The following HGF variants were observed in gnomAD, a reference collection of about 807,000 sequenced individuals.
HGF encodes fibroblast-derived tumor cytotoxic factor.
Under a neutral mutation model 111.6 loss-of-function variants are expected in HGF, and 39 were observed. The ratio of observed to expected loss-of-function variants is 0.35; its 90% confidence interval spans 0.27 to 0.46. HGF has a LOEUF of 0.46. Among genes scored for constraint, HGF ranks in the 20% least tolerant of loss-of-function variants. HGF has a pLI of 1.00. For synonymous variants in HGF, 285 were observed against 294.8 expected, an observed-to-expected ratio of 0.97 and a Z score of 0.34; for missense variants, 735 against 910.5, an observed-to-expected ratio of 0.81 and a Z score of 2.48.
chr7:81,747,749 G>C (rs933527037), intron 5 of HGF, among the ~76,000 whole-genome samples: 22 of 152,266 alleles, frequency 1.4e-4, no homozygotes, highest in Admixed American at 1.4e-3. Context: ...GGGAGGCCAA[G>C]GCAGGCAGAT....
chr7:81,737,599 A>C (rs1380341591), intron 7 of HGF, among the ~76,000 whole-genome samples: 5 of 152,130 alleles, frequency 3.3e-5, no homozygotes, highest in Non-Finnish European at 4.4e-5. Context: ...TGGCAAAAGC[A>C]AATACAAGAC....
intron 11 of HGF, among the ~76,000 whole-genome samples, chr7:81,714,324 A>G (rs1789655825): frequency 6.6e-6 from 1 of 152,160 alleles, no homozygotes; most frequent in Non-Finnish European, 1.5e-5. Flanking sequence ...TTTGTACACA[A>G]TAGCAGCTCA....
intron 7 of HGF, 74 bp from the exon 8 acceptor site, chr7:81,729,853 A>G: frequency 7.1e-7 from 1 of 1,414,832 alleles, no homozygotes; most frequent in Non-Finnish European, 9.8e-7. Flanking sequence ...CTTAGAGTTC[A>G]TTGGCATTTG....
At chr7:81,711,201 C>G (rs1789561909) in intron 12 of HGF, among the ~76,000 whole-genome samples, 1 of 151,822 alleles carries the variant, frequency 6.6e-6, no homozygotes, top group African/African-American at 2.4e-5. Context: ...GCATTGTGCC[C>G]CAAATTAAAA....
intron 2 of HGF, among the ~76,000 whole-genome samples, chr7:81,762,021 C>G (rs1435940069): frequency 6.6e-6 from 1 of 152,086 alleles, no homozygotes; most frequent in African/African-American, 2.4e-5. Flanking sequence ...CGCTGTGAGG[C>G]CTGTTTCTTA....
intron 11 of HGF, among the ~76,000 whole-genome samples, chr7:81,713,569 A>G (rs2115819034): frequency 6.6e-6 from 1 of 152,012 alleles, no homozygotes; most frequent in East Asian, 1.9e-4. Flanking sequence ...GACACTATAC[A>G]TTTTGGGTTT....
intron 1 of HGF, 68 bp downstream of exon 1, chr7:81,769,816 G>A: frequency 8.5e-7 from 1 of 1,175,834 alleles, no homozygotes; most frequent in Non-Finnish European, 1.2e-6. Context: ...GGTGTTAAAA[G>A]GAATAGGGAA....
At chr7:81,724,625 T>C (rs1210983427) in intron 9 of HGF, among the ~76,000 whole-genome samples, 2 of 152,220 alleles carry the variant, frequency 1.3e-5, no homozygotes, top group African/African-American at 4.8e-5. Flanking sequence ...GTTTGTTATA[T>C]GTAAATTGTG....
Position 81,743,360 on chromosome 7 carries a change from T to C in HGF, c.858A>G (p.Lys286=), listed in dbSNP as rs1187621327. The C allele has an allele frequency of 3.1e-6, 5 of 1,595,092 alleles. No homozygotes were observed. The highest frequency in any genetic ancestry group is 4.3e-6 in the Non-Finnish European group (5 of 1,162,674). Residue 286 remains lysine (K), a synonymous_variant, in exon 7 of 18, where the codon AAA becomes AAG. Coordinates refer to ENST00000222390, the MANE Select transcript of HGF (RefSeq NM_000601.6). ...PHTRWEYCAI[K]TCADNTMNDT... ...AATTTGACCTTCACTTACCGCATGT[T>C]TTAATTGCACAGTACTCCCAGCGGG... is the stretch of plus-strand genomic sequence containing the variant.
At chr7:81,742,619 G>T in intron 7 of HGF, 1 of 868,276 alleles carries the variant, frequency 1.2e-6, no homozygotes, top group Non-Finnish European at 1.5e-6. Flanking sequence ...TTGTTTAAGA[G>T]AACAGTGAAA....
chr7:81,748,627 C>A (rs1038793393), intron 5 of HGF, among the ~76,000 whole-genome samples: 2 of 151,966 alleles, frequency 1.3e-5, no homozygotes, highest in Admixed American at 1.3e-4. Context: ...CTATTGCTGT[C>A]AGTACATTAT....
In HGF at chr7:81,761,246, A is replaced by G. The variant is rs147834672; in HGVS notation, c.254+1461T>C. Among the ~76,000 whole-genome samples the G allele has an allele frequency of 5.7e-3, 868 of 152,352 alleles. 10 individuals are homozygous for G. Among genetic ancestry groups the G allele is most frequent in the South Asian group, 0.046 (224 of 4,830 alleles). On this transcript the variant is annotated intron_variant, in intron 2 of 17. Coordinates refer to ENST00000222390, the MANE Select transcript of HGF (RefSeq NM_000601.6). ...TTATAGGAAAGTCAGGGAATAAAAC[A>G]GAATTATCATAGGAATATACTTGCA...
intron 7 of HGF, among the ~76,000 whole-genome samples, chr7:81,736,143 T>C (rs1787818433): frequency 2.0e-5 from 3 of 152,128 alleles, no homozygotes; most frequent in Non-Finnish European, 1.5e-5. Context: ...CACTTAAGTA[T>C]AGTAGTTCCT....
intron 1 of HGF, among the ~76,000 whole-genome samples, chr7:81,764,487 C>T (rs1789257593): frequency 6.6e-6 from 1 of 152,026 alleles, no homozygotes; most frequent in African/African-American, 2.4e-5. Context: ...AATCTGTCAA[C>T]ATGTTATTTA....
At chr7:81,743,786 A>G (rs1222595658) in intron 6 of HGF, among the ~76,000 whole-genome samples, 2 of 152,176 alleles carry the variant, frequency 1.3e-5, no homozygotes, top group Non-Finnish European at 2.9e-5. Flanking sequence ...ACATGACTTC[A>G]TGTAGAATGC....
intron 3 of HGF, among the ~76,000 whole-genome samples, chr7:81,758,488 G>A (rs1384916997): frequency 6.6e-6 from 1 of 151,940 alleles, no homozygotes; most frequent in Non-Finnish European, 1.5e-5. Context: ...ATTATGAAAA[G>A]TTTTGAAAAT....
chr7:81,726,040 T>C (rs907317535), intron 8 of HGF, 23 bp from the exon 9 acceptor site: 2 of 1,613,346 alleles, frequency 1.2e-6, no homozygotes, highest in Non-Finnish European at 1.7e-6. Context: ...AGCATGTTAA[T>C]GTAAATTGCC....
intron 11 of HGF, among the ~76,000 whole-genome samples, chr7:81,716,744 T>A (rs1789722420): frequency 6.6e-6 from 1 of 152,168 alleles, no homozygotes; most frequent in Non-Finnish European, 1.5e-5. Flanking sequence ...GGGAATCAGA[T>A]AACTGGGTGG....
chr7:81,712,058 A>G (rs1295063316), intron 11 of HGF, among the ~76,000 whole-genome samples: 2 of 152,118 alleles, frequency 1.3e-5, no homozygotes, highest in Non-Finnish European at 2.9e-5. Context: ...GTACTAGGTG[A>G]TATGAGCAGA....
Sources: allele counts gnomAD v4.1 joint callset (sites outside exome capture counted in the v4.1 genomes callset), GRCh38; gene constraint gnomAD v4.1.1; transcripts MANE v1.5; gene names NCBI Gene and HGNC (gene_info 2026-07-23, HGNC 2026-07-21).